SLC4A5: variants seen among roughly 807,000 people sequenced by gnomAD.
SLC4A5 encodes solute carrier family 4 member 5.
A neutral mutation model predicts 120.4 loss-of-function variants in SLC4A5; 96 were observed. The observed-to-expected ratio is 0.80, with a 90% confidence interval of 0.68 to 0.94. The LOEUF is 0.94. Ranked by LOEUF, SLC4A5 falls within the 40% of genes least tolerant of loss-of-function variation. The pLI is 0.00. For synonymous variants in SLC4A5, 550 were observed against 571.1 expected (o/e 0.96, Z 0.53); for missense variants, 1,259 against 1,459.5 (o/e 0.86, Z 2.24).
intron 25 of SLC4A5, among the ~76,000 whole-genome samples, chr2:74,228,430 C>A (rs904561067): frequency 7.9e-5 from 12 of 152,170 alleles, no homozygotes; most frequent in Non-Finnish European, 1.6e-4. Context: ...GAGTTTGAGA[C>A]CAGCCTGGCC....
Position 74,244,454 on chromosome 2 carries a change from CCTTCCTTT to C in SLC4A5, c.2060-2410_2060-2403del, listed in dbSNP as rs1285695139. 5.1e-5 allele frequency among the ~76,000 whole-genome samples: 5 copies of C among 97,174 alleles called. No individual in the cohort carries two copies. The East Asian group carries it at 1.0e-3, about 20-fold the overall frequency. 63.7% of individuals were successfully genotyped at this position (97,174 alleles called of 152,430 possible). A position where few individuals can be genotyped will look rare whatever the true frequency, so the allele number is the denominator to read the frequency against. Reference sequence around the variant, plus strand: ...TTCTTTCCTTTCCTTTCTTTTCTTTCCTTCCTTTTCTTTCTCTTTCTTTCTTCTCCTTT... The same window carrying C: ...TTCTTTCCTTTCCTTTCTTTTCTTTCTCTTTCTCTTTCTTTCTTCTCCTTT... On this transcript the variant is annotated intron_variant, in intron 19 of 30. Transcript: ENST00000394019.
exon 28 of SLC4A5, chr2:74,224,992 G>C: frequency 1.2e-6 from 2 of 1,613,664 alleles, no homozygotes; most frequent in Non-Finnish European, 1.7e-6. Flanking sequence ...ATGAGGCCCA[G>C]GATCTGTGGT....
chr2:74,232,386 C>A, intron 24 of SLC4A5, 83 bp downstream of exon 24: 1 of 1,519,788 alleles, frequency 6.6e-7, no homozygotes, highest in East Asian at 2.3e-5. Context: ...TGTCCAAATC[C>A]TTTTGTGGCA....
chr2:74,325,926 G>A (rs1673207322), intron 5 of SLC4A5, among the ~76,000 whole-genome samples: 1 of 151,256 alleles, frequency 6.6e-6, no homozygotes, highest in South Asian at 2.1e-4. Context: ...AGGAAAGGAG[G>A]GGAGGAGGAA....
Position 74,249,276 on chromosome 2 carries a change from G to A in SLC4A5, c.1654-790C>T, listed in dbSNP as rs575852068. The stretch of plus-strand genomic sequence containing the variant: ...GCAGTAGAGGTAAAGATGTAGTCAG[G>A]AAGGCCTCCCTAGAAGTAGATAAGT... On this transcript the variant is annotated intron_variant, in intron 17 of 30. Transcript: ENST00000394019. 1.3e-3 allele frequency among the ~76,000 whole-genome samples: 191 copies of A among 152,302 alleles called. 2 individuals carry two copies. The highest frequency in any genetic ancestry group is 4.4e-3 in the African/African-American group (181 of 41,558).
At chr2:74,332,370 T>C (rs1673384459) in intron 4 of SLC4A5, among the ~76,000 whole-genome samples, 1 of 152,220 alleles carries the variant, frequency 6.6e-6, no homozygotes, top group Admixed American at 6.5e-5. Context: ...GGACTCTTAA[T>C]GGATAACTTC....
chr2:74,246,383 T>C (rs909929741), intron 19 of SLC4A5, among the ~76,000 whole-genome samples: 1 of 152,238 alleles, frequency 6.6e-6, no homozygotes, highest in African/African-American at 2.4e-5. Context: ...TCTGGCTTCC[T>C]GGAGCTTCTG....
intron 7 of SLC4A5, among the ~76,000 whole-genome samples, chr2:74,289,734 T>C (rs1334765217): frequency 6.6e-6 from 1 of 152,192 alleles, no homozygotes; most frequent in African/African-American, 2.4e-5. Context: ...AAAATAACCT[T>C]ATTTTTTCTT....
intron 4 of SLC4A5, among the ~76,000 whole-genome samples, chr2:74,332,242 TG>T (rs1259324584): frequency 2.6e-5 from 4 of 152,226 alleles, no homozygotes; most frequent in Admixed American, 2.0e-4. Context: ...TAGACTGGGT[TG>T]GACTCAAGGA....
chr2:74,304,149 G>A lies in SLC4A5; in HGVS notation c.271+340C>T, dbSNP rs113150352. On this transcript the variant is annotated intron_variant, in intron 7 of 30. Coordinates refer to ENST00000394019, the Ensembl canonical transcript of SLC4A5. ...CAGGCGTGAGCCACCGCGCCCGGCC[G>A]CATGTCCATTATTGGTTCTTAGGGC... Among the ~76,000 whole-genome samples, 561 of 152,240 alleles carry A rather than the reference G, an allele frequency of 3.7e-3. 5 individuals carry two copies. The highest frequency in any genetic ancestry group is 0.012 in the African/African-American group (512 of 41,550).
intron 28 of SLC4A5, 69 bp from the exon 29 acceptor site, chr2:74,223,021 T>G (rs79685968): frequency 1.8e-6 from 2 of 1,090,090 alleles, no homozygotes; most frequent in Middle Eastern, 2.2e-4. Flanking sequence ...TTTTTTTTTT[T>G]TGAGACAGAG....
intron 12 of SLC4A5, among the ~76,000 whole-genome samples, chr2:74,257,295 C>G (rs997733455): frequency 6.6e-6 from 1 of 152,020 alleles, no homozygotes; most frequent in African/African-American, 2.4e-5. Context: ...ATCAGCAGCC[C>G]CAAGGATCCT....
chr2:74,271,223 G>T (rs1335637135), intron 8 of SLC4A5, among the ~76,000 whole-genome samples: 1 of 152,136 alleles, frequency 6.6e-6, no homozygotes, highest in African/African-American at 2.4e-5. Context: ...TGCCCAGCGA[G>T]AATGCCCCTT....
intron 5 of SLC4A5, among the ~76,000 whole-genome samples, chr2:74,320,894 G>A (rs918127924): frequency 6.6e-6 from 1 of 152,168 alleles, no homozygotes; most frequent in Non-Finnish European, 1.5e-5. Context: ...GTCAAGAATA[G>A]TCATAGAAAG....
intron 12 of SLC4A5, among the ~76,000 whole-genome samples, chr2:74,257,708 C>T (rs1671013460): frequency 6.6e-6 from 1 of 151,940 alleles, no homozygotes; most frequent in Non-Finnish European, 1.5e-5. Context: ...CTGGCACATG[C>T]CTGGGACTAC....
chr2:74,227,599 G>T, intron 26 of SLC4A5: 3 of 1,526,000 alleles, frequency 2.0e-6, no homozygotes, highest in Non-Finnish European at 2.7e-6. Context: ...TAATTACATA[G>T]ATTCAATTAT....
At chr2:74,306,205 C>T (rs1241534991) in intron 6 of SLC4A5, among the ~76,000 whole-genome samples, 1 of 152,182 alleles carries the variant, frequency 6.6e-6, no homozygotes, top group African/African-American at 2.4e-5. Flanking sequence ...GTGAGCATGA[C>T]CATAAGCCAC....
chr2:74,299,276 G>A (rs565599834), intron 7 of SLC4A5, among the ~76,000 whole-genome samples: 5 of 152,270 alleles, frequency 3.3e-5, no homozygotes, highest in African/African-American at 7.2e-5. Context: ...GCTTGAACCC[G>A]GGAGGCAGAG....
rs760956666 is a variant in SLC4A5 at position 74,233,514 on chromosome 2, G to A, written c.2483C>T (p.Pro828Leu). The A allele has an allele frequency of 3.7e-6, 6 of 1,614,122 alleles. No homozygotes were observed. The highest frequency in any genetic ancestry group is 1.7e-5 in the Admixed American group (1 of 60,016). The change falls in exon 23 of 31, where the codon CCG becomes CTG. Residue 828 changes from proline (P) to leucine (L), a missense_variant. Coordinates refer to ENST00000394019, the Ensembl canonical transcript of SLC4A5. The stretch of plus-strand genomic sequence containing the variant: ...GATGCTTGCTGGGTATACCCACCAC[G>A]GGTTCTTCCCAAAGGGGGCCACGAA...
Sources: allele counts gnomAD v4.1 joint callset (sites outside exome capture counted in the v4.1 genomes callset), GRCh38; gene constraint gnomAD v4.1.1; transcripts MANE v1.5; gene names NCBI Gene and HGNC (gene_info 2026-07-23, HGNC 2026-07-21).